Variants in TAOK3 observed in about 807,000 individuals in gnomAD.
The protein encoded by TAOK3 is serine/threonine-protein kinase TAO3.
Under a neutral mutation model 120.4 loss-of-function variants are expected in TAOK3, and 40 were observed. That is an observed-to-expected ratio of 0.33 (90% confidence interval 0.26 to 0.43). The LOEUF (loss-of-function observed/expected upper bound fraction) is 0.43. TAOK3 is among the 20% of genes least tolerant of loss of function. The pLI is 1.00. For synonymous variants in TAOK3, 355 were observed against 387.5 expected, an observed-to-expected ratio of 0.92 and a Z score of 0.99; for missense variants, 821 against 1,112.1, an observed-to-expected ratio of 0.74 and a Z score of 3.72.
chr12:118,335,184 C>CAAA (rs199691925), intron 1 of TAOK3, among the ~76,000 whole-genome samples: 1 of 92,564 alleles, frequency 1.1e-5, no homozygotes. Flanking sequence ...AACTATGTCT[C>CAAA]AAAAAAAAAA....
intron 1 of TAOK3, among the ~76,000 whole-genome samples, chr12:118,320,542 G>A (rs1285719418): frequency 2.0e-5 from 3 of 152,156 alleles, no homozygotes; most frequent in Non-Finnish European, 4.4e-5. Flanking sequence ...TATAGCCACT[G>A]CTAACATTTT....
chr12:118,210,740 CTTTTT>C (rs972130210), intron 11 of TAOK3, among the ~76,000 whole-genome samples: 2 of 139,084 alleles, frequency 1.4e-5, no homozygotes, highest in African/African-American at 2.7e-5. Context: ...TTTCTTTTTT[CTTTTT>C]TTTTTTTTTT....
At chr12:118,317,602 A>AT (rs71069437) in intron 1 of TAOK3, among the ~76,000 whole-genome samples, 152,023 of 152,026 alleles carry the variant, frequency 1, 76,010 homozygotes, top group Middle Eastern at 1. Flanking sequence ...CCAGCCAGAA[A>AT]TTTTTAAAGA....
chr12:118,316,839 C>T (rs1313379799), intron 1 of TAOK3, among the ~76,000 whole-genome samples: 1 of 152,098 alleles, frequency 6.6e-6, no homozygotes, highest in Admixed American at 6.5e-5. Context: ...TTTCTATATA[C>T]TGGCAATGAA....
intron 9 of TAOK3, among the ~76,000 whole-genome samples, chr12:118,216,963 GAGA>G (rs1236462583): frequency 6.6e-6 from 1 of 150,382 alleles, no homozygotes; most frequent in Admixed American, 6.6e-5. Flanking sequence ...AGAAAAGGAA[GAGA>G]AGAAGAAGAT....
At chr12:118,208,007 C>T (rs747637872) in intron 11 of TAOK3, among the ~76,000 whole-genome samples, 1 of 151,842 alleles carries the variant, frequency 6.6e-6, no homozygotes, top group Non-Finnish European at 1.5e-5. Flanking sequence ...AAAGGCTTTA[C>T]GAGATTGAAG....
chr12:118,227,952 T>C (rs1384222020), intron 9 of TAOK3, among the ~76,000 whole-genome samples: 1 of 152,188 alleles, frequency 6.6e-6, no homozygotes, highest in African/African-American at 2.4e-5. Flanking sequence ...ATATTTAAAA[T>C]GTGTAAAATT....
chr12:118,287,081 G>A (rs2042293304), intron 1 of TAOK3, among the ~76,000 whole-genome samples: 2 of 152,134 alleles, frequency 1.3e-5, no homozygotes, highest in South Asian at 4.1e-4. Context: ...GACGGGAAGG[G>A]GGTGAGGGAT....
At chr12:118,334,453 G>A (rs2044279930) in intron 1 of TAOK3, among the ~76,000 whole-genome samples, 1 of 152,200 alleles carries the variant, frequency 6.6e-6, no homozygotes, top group South Asian at 2.1e-4. Flanking sequence ...CAGGGCCGAG[G>A]GCTAGGGAGA....
At chr12:118,251,076 G>C (rs758809581) in intron 3 of TAOK3, among the ~76,000 whole-genome samples, 4 of 152,158 alleles carry the variant, frequency 2.6e-5, no homozygotes, top group Non-Finnish European at 4.4e-5. Context: ...GCCTAAGAAC[G>C]AGGGAGAGCC....
intron 19 of TAOK3, among the ~76,000 whole-genome samples, chr12:118,153,814 A>G (rs1212291991): frequency 6.6e-6 from 1 of 152,210 alleles, no homozygotes; most frequent in African/African-American, 2.4e-5. Context: ...TACTTTTTGA[A>G]ATGTTATATT....
chr12:118,158,329 A>G (rs928025964), intron 19 of TAOK3, among the ~76,000 whole-genome samples: 9 of 152,236 alleles, frequency 5.9e-5, no homozygotes, highest in Non-Finnish European at 1.2e-4. Flanking sequence ...GTGCACACAT[A>G]TAACAATGAA....
At chr12:118,324,343 A>C (rs1028917966) in intron 1 of TAOK3, among the ~76,000 whole-genome samples, 1 of 152,198 alleles carries the variant, frequency 6.6e-6, no homozygotes, top group African/African-American at 2.4e-5. Flanking sequence ...GAAATATACA[A>C]TATAGATACA....
At chr12:118,298,969 C>A (rs558912813) in intron 1 of TAOK3, among the ~76,000 whole-genome samples, 4 of 152,232 alleles carry the variant, frequency 2.6e-5, no homozygotes, top group African/African-American at 7.2e-5. Flanking sequence ...GTACTACTTC[C>A]CTAGCTTTCA....
At chr12:118,172,262 CTG>C (rs1278458191) in intron 17 of TAOK3, among the ~76,000 whole-genome samples, 193 bp downstream of exon 17, 9 of 152,250 alleles carry the variant, frequency 5.9e-5, no homozygotes, top group Admixed American at 4.6e-4. Flanking sequence ...ATTCCTTGTT[CTG>C]TGAGTGGGCT....
rs1414269985 is a variant in TAOK3 at position 118,161,295 on chromosome 12, T to C, written c.2139+493A>G. 2.0e-5 allele frequency among the ~76,000 whole-genome samples: 3 copies of C among 152,224 alleles called. No homozygotes were observed. The highest frequency in any genetic ancestry group is 4.8e-5 in the African/African-American group (2 of 41,468). On this transcript the variant is annotated intron_variant, in intron 18 of 20. Transcript: ENST00000392533. The surrounding 1 kb of genome is among the most constrained non-coding windows in gnomAD (Gnocchi z 4.5). Reference sequence around the variant, plus strand: ...GGCTACAGGAGTTCCTCCACATCTCTGCATCTCTAGTGCAGAAGTGGTAAA... The same window carrying C: ...GGCTACAGGAGTTCCTCCACATCTCCGCATCTCTAGTGCAGAAGTGGTAAA...
chr12:118,310,940 G>A (rs1308568239), intron 1 of TAOK3, among the ~76,000 whole-genome samples: 2 of 152,108 alleles, frequency 1.3e-5, no homozygotes, highest in African/African-American at 2.4e-5. Context: ...ACAAATAATA[G>A]TTATTTTAAT....
intron 9 of TAOK3, among the ~76,000 whole-genome samples, chr12:118,225,162 C>G (rs2039438321): frequency 6.8e-6 from 1 of 147,046 alleles, no homozygotes; most frequent in African/African-American, 2.5e-5. Flanking sequence ...GCAGGAGAAT[C>G]ACTTGAGTCC....
At chr12:118,159,667 G>C (rs2035088953) in intron 19 of TAOK3, 1 of 166,974 alleles carries the variant, frequency 6.0e-6, no homozygotes, top group African/African-American at 2.4e-5. Context: ...CAAATTGTCT[G>C]TCTAGCTCAT....
Sources: gnomAD v4.1 joint callset for allele counts (sites outside exome capture counted in the v4.1 genomes callset) on GRCh38, gnomAD v4.1.1 for gene constraint, Gnocchi (gnomAD v3.1) non-coding constraint, MANE v1.5 for transcripts, NCBI Gene and HGNC (gene_info 2026-07-23, HGNC 2026-07-21) for gene names.